The following CACNA2D1 variants were observed in gnomAD, a reference collection of about 807,000 sequenced individuals.
The protein encoded by CACNA2D1 is calcium voltage-gated channel auxiliary subunit alpha2delta 1, also known as voltage-dependent calcium channel subunit alpha-2/delta-1.
A neutral mutation model predicts 171.5 loss-of-function variants in CACNA2D1; 53 were observed. The ratio of observed to expected loss-of-function variants is 0.31; its 90% CI spans 0.25 to 0.39. The LOEUF (loss-of-function observed/expected upper bound fraction) is 0.39, where lower values mean the gene tolerates loss of function less well. Ranked by LOEUF, CACNA2D1 falls within the 10% of genes least tolerant of loss-of-function variation. CACNA2D1 has a pLI of 1.00. For synonymous variants in CACNA2D1, 442 were observed against 443.1 expected, an observed-to-expected ratio of 1.00 and a Z score of 0.03; for missense variants, 903 against 1,299.8, an observed-to-expected ratio of 0.69 and a Z score of 4.69.
chr7:82,143,501 A>C (rs1792636828), intron 4 of CACNA2D1, among the ~76,000 whole-genome samples: 1 of 152,196 alleles, frequency 6.6e-6, no homozygotes, highest in African/African-American at 2.4e-5. Context: ...TGTGTCTTTT[A>C]AGTGCTATCT....
chr7:82,003,742 T>C (rs1798838570), intron 18 of CACNA2D1, among the ~76,000 whole-genome samples: 1 of 150,604 alleles, frequency 6.6e-6, no homozygotes, highest in Non-Finnish European at 1.5e-5. Flanking sequence ...TTCATCACAT[T>C]ACTTTTTTTT....
At position 82,443,446 on chromosome 7, in the gene CACNA2D1, C is replaced by G. The variant is rs552468945; in HGVS notation, c.14G>C (p.Cys5Ser). MAAG[C>S]LLALTLTLFQ... Reference sequence around the variant, plus strand: ...AAGTGTCAGAGTCAAGGCCAGCAGGCAGCCAGCAGCCATCTTCGCGATCGA... The same window carrying G: ...AAGTGTCAGAGTCAAGGCCAGCAGGGAGCCAGCAGCCATCTTCGCGATCGA... Residue 5 changes from cysteine to serine, a missense_variant, in exon 1 of 39, where the codon TGC becomes TCC. Cys to Ser is a moderately radical substitution (Grantham distance 112, BLOSUM62 -1). Transcript: ENST00000356860. The G allele has an allele frequency of 1.6e-4, 263 of 1,607,424 alleles. 3 individuals are homozygous for G. The South Asian group carries it at 2.8e-3, about 17-fold the overall frequency.
At chr7:82,203,249 T>A (rs781198616) in intron 3 of CACNA2D1, among the ~76,000 whole-genome samples, 11 of 152,108 alleles carry the variant, frequency 7.2e-5, no homozygotes, top group Non-Finnish European at 1.5e-4. Context: ...CACGGATACA[T>A]TCTGGAAGTA....
At chr7:82,206,574 CA>C (rs1800023182) in intron 3 of CACNA2D1, among the ~76,000 whole-genome samples, 1 of 152,046 alleles carries the variant, frequency 6.6e-6, no homozygotes, top group African/African-American at 2.4e-5. Context: ...ATAAAAGATG[CA>C]AATTTAATTG....
In CACNA2D1 at chr7:81,947,190, T is replaced by A. The variant is rs890495257; in HGVS notation, c.*3202A>T. ...ATGAGATTTAAAATACAAGAGAGCA[T>A]CAAATAAGCAAGTAACACTTGGGTT... On this transcript the variant is annotated 3_prime_UTR_variant, in exon 39 of 39. Coordinates refer to ENST00000356860, the MANE Select transcript of CACNA2D1 (RefSeq NM_000722.4). The A allele has an allele frequency of 6.6e-6, 1 of 151,858 alleles. No homozygotes were observed. Among genetic ancestry groups the A allele is most frequent in the African/African-American group, 2.4e-5 (1 of 41,392 alleles). 9.4% of individuals were successfully genotyped at this position (151,858 alleles called of 1,614,324 possible). A position where few individuals can be genotyped will look rare whatever the true frequency, so the allele number is the denominator to read the frequency against.
chr7:82,159,366 T>C (rs1318072856), intron 4 of CACNA2D1, among the ~76,000 whole-genome samples: 1 of 151,900 alleles, frequency 6.6e-6, no homozygotes, highest in African/African-American at 2.4e-5. Context: ...GCACACTTTG[T>C]AAGATATTTG....
At position 82,338,446 on chromosome 7, in the gene CACNA2D1, C is replaced by T. The variant is rs1818251518; in HGVS notation, c.178-3195G>A. On this transcript the variant is annotated intron_variant, in intron 2 of 38. Coordinates refer to ENST00000356860, the MANE Select transcript of CACNA2D1 (RefSeq NM_000722.4). The stretch of plus-strand genomic sequence containing the variant: ...CTGGTCTCAGGTGATCCTCCCATGT[C>T]AACCTTCCAAGTAGTTGGAACTACA... 2.6e-5 allele frequency among the ~76,000 whole-genome samples: 4 copies of T among 152,162 alleles called. No homozygotes were observed. The South Asian group carries it at 8.3e-4, about 32-fold the overall frequency.
In CACNA2D1 at chr7:82,303,191, A is replaced by G. The variant is rs192627250; in HGVS notation, c.294+31944T>C. Among the ~76,000 whole-genome samples the G allele has an allele frequency of 2.4e-3, 362 of 151,864 alleles. 1 individual carries two copies. Among genetic ancestry groups the G allele is most frequent in the Middle Eastern group, 6.8e-3 (2 of 294 alleles). ...TTTTTGTATTTTTAGTAGAGACGGGATTTCACTATGTTAGCCAGGATGGTC... is the reference window on the plus strand; with the variant it reads ...TTTTTGTATTTTTAGTAGAGACGGGGTTTCACTATGTTAGCCAGGATGGTC... On this transcript the variant is annotated intron_variant, in intron 3 of 38. Coordinates refer to ENST00000356860, the MANE Select transcript of CACNA2D1 (RefSeq NM_000722.4).
Position 82,105,071 on chromosome 7 carries a change from A to T in CACNA2D1, c.526+11973T>A, listed in dbSNP as rs546703615. 7.2e-5 allele frequency among the ~76,000 whole-genome samples: 11 copies of T among 152,034 alleles called. No individual in the cohort carries two copies. In the East Asian group the frequency reaches 2.1e-3, roughly 29 times the overall value. Reference sequence around the variant, plus strand: ...CTCCTCTAGAATTAAGTCCGATGAAAAACACTGTCTTATTCTTTTTAAAAT... The same window carrying T: ...CTCCTCTAGAATTAAGTCCGATGAATAACACTGTCTTATTCTTTTTAAAAT... On this transcript the variant is annotated intron_variant, in intron 6 of 38. Transcript: ENST00000356860.
At chr7:82,308,950 C>T (rs1198095060) in intron 3 of CACNA2D1, among the ~76,000 whole-genome samples, 4 of 152,120 alleles carry the variant, frequency 2.6e-5, no homozygotes, top group African/African-American at 7.2e-5. Context: ...TGGTCTAAAT[C>T]GGGTGGAGAA....
chr7:82,060,222 A>T lies in CACNA2D1; in HGVS notation c.879+206T>A, dbSNP rs535109905. Among the ~76,000 whole-genome samples, 31 of 58,786 alleles carry T rather than the reference A, an allele frequency of 5.3e-4. 6 individuals carry two copies. The highest frequency in any genetic ancestry group is 3.7e-3 in the East Asian group (7 of 1,872). 38.6% of individuals were successfully genotyped at this position (58,786 alleles called of 152,430 possible). ...TATATTATATATATAATATATATAT[A>T]ATATATATATATAATATGTATAAAA... On this transcript the variant is annotated intron_variant, in intron 10 of 38. Coordinates refer to ENST00000356860, the MANE Select transcript of CACNA2D1 (RefSeq NM_000722.4).
At chr7:82,347,008 C>T (rs1338860078) in intron 2 of CACNA2D1, among the ~76,000 whole-genome samples, 5 of 152,182 alleles carry the variant, frequency 3.3e-5, no homozygotes, top group African/African-American at 1.2e-4. Context: ...GCATATACAA[C>T]TGATGGACAT....
At chr7:82,141,812 G>C (rs183377084) in intron 4 of CACNA2D1, among the ~76,000 whole-genome samples, 1 of 152,264 alleles carries the variant, frequency 6.6e-6, no homozygotes, top group East Asian at 1.9e-4. Flanking sequence ...TTGAGCATAT[G>C]TGTTTCTTTC....
intron 35 of CACNA2D1, 92 bp from the exon 36 acceptor site, chr7:81,962,115 A>G (rs1424988657): frequency 2.4e-6 from 3 of 1,235,028 alleles, no homozygotes; most frequent in Non-Finnish European, 3.5e-6. Flanking sequence ...CTCACAGAGC[A>G]AAATAAACGT....
intron 6 of CACNA2D1, among the ~76,000 whole-genome samples, chr7:82,104,452 G>A (rs770818509): frequency 2.4e-4 from 37 of 151,690 alleles, no homozygotes; most frequent in Non-Finnish European, 3.4e-4. Flanking sequence ...AGTCCTTTGA[G>A]GTATTATTAT....
intron 1 of CACNA2D1, among the ~76,000 whole-genome samples, chr7:82,414,320 T>C (rs1019852310): frequency 6.6e-6 from 1 of 152,068 alleles, no homozygotes; most frequent in African/African-American, 2.4e-5. Context: ...AGAGAGTGAA[T>C]TTGAATGCAT....
intron 10 of CACNA2D1, among the ~76,000 whole-genome samples, chr7:82,060,201 T>TATTA (rs747843223): frequency 4.8e-4 from 5 of 10,424 alleles, no homozygotes; most frequent in African/African-American, 9.0e-4. Flanking sequence ...TATATATATA[T>TATTA]TATATATATA....
chr7:82,371,529 G>A (rs1822408954), intron 1 of CACNA2D1, among the ~76,000 whole-genome samples: 1 of 152,148 alleles, frequency 6.6e-6, no homozygotes, highest in Admixed American at 6.5e-5. Context: ...TCGAGCTTAA[G>A]GCTGACAAAT....
At chr7:82,205,816 C>T (rs1799950616) in intron 3 of CACNA2D1, among the ~76,000 whole-genome samples, 4 of 152,256 alleles carry the variant, frequency 2.6e-5, no homozygotes, top group Admixed American at 1.3e-4. Context: ...AGCAGTGATA[C>T]ACTCTGAAAT....
Sources: allele counts gnomAD v4.1 joint callset (sites outside exome capture counted in the v4.1 genomes callset), GRCh38; gene constraint gnomAD v4.1.1; transcripts MANE v1.5; gene names NCBI Gene and HGNC (gene_info 2026-07-23, HGNC 2026-07-21).